PCOLCE2: variants seen among roughly 807,000 people sequenced by gnomAD.
The protein encoded by PCOLCE2 is procollagen C-proteinase enhancer 2.
A neutral mutation model predicts 47.0 loss-of-function variants in PCOLCE2; 42 were observed. The observed-to-expected ratio is 0.89, with a 90% CI of 0.70 to 1.16. PCOLCE2 has a LOEUF of 1.16. PCOLCE2 is among the 50% of genes most tolerant of loss of function. The probability of loss-of-function intolerance (pLI) is 0.00; values close to 1 mark genes in which losing one functional copy is unlikely to be tolerated. For missense variants in PCOLCE2, 500 were observed against 526.1 expected, an observed-to-expected ratio of 0.95 and a Z score of 0.49; for synonymous variants, 169 against 191.7, an observed-to-expected ratio of 0.88 and a Z score of 0.98.
At chr3:142,829,251 TAAC>T (rs1344750558) in intron 6 of PCOLCE2, among the ~76,000 whole-genome samples, 3 of 134,386 alleles carry the variant, frequency 2.2e-5, no homozygotes, top group Non-Finnish European at 4.9e-5. Flanking sequence ...AATAAATAAA[TAAC>T]ATTTTATATG....
At chr3:142,833,291 G>C (rs1277739079) in intron 5 of PCOLCE2, among the ~76,000 whole-genome samples, 2 of 151,860 alleles carry the variant, frequency 1.3e-5, no homozygotes, top group African/African-American at 4.8e-5. Flanking sequence ...TGGGTTCAAG[G>C]GAACCTCCCA....
At chr3:142,861,169 C>G (rs1428340202) in intron 2 of PCOLCE2, among the ~76,000 whole-genome samples, 1 of 152,278 alleles carries the variant, frequency 6.6e-6, no homozygotes, top group African/African-American at 2.4e-5. Context: ...CTTTGCTCCA[C>G]TGCCTTCTAG....
intron 4 of PCOLCE2, 64 bp from the exon 5 acceptor site, chr3:142,838,970 A>G (rs1937235331): frequency 1.6e-6 from 2 of 1,284,840 alleles, no homozygotes; most frequent in East Asian, 4.8e-5. Context: ...CTCAAATGGA[A>G]TTCTTCCTCT....
intron 3 of PCOLCE2, among the ~76,000 whole-genome samples, chr3:142,845,376 C>T (rs1335766876): frequency 2.0e-5 from 3 of 152,180 alleles, no homozygotes; most frequent in Non-Finnish European, 4.4e-5. Flanking sequence ...ATATATTCCA[C>T]AACACAGTGC....
At chr3:142,852,580 T>C (rs1185521931) in intron 2 of PCOLCE2, among the ~76,000 whole-genome samples, 1 of 151,448 alleles carries the variant, frequency 6.6e-6, no homozygotes, top group Non-Finnish European at 1.5e-5. Context: ...CAGGCCCCAT[T>C]TCCTCCTCCT....
intron 2 of PCOLCE2, among the ~76,000 whole-genome samples, chr3:142,868,092 T>C (rs962807509): frequency 6.6e-6 from 1 of 152,144 alleles, no homozygotes; most frequent in Non-Finnish European, 1.5e-5. Flanking sequence ...TAAAGGCCAT[T>C]CAATTTTTAA....
chr3:142,888,478 ATT>A (rs1188466543), intron 1 of PCOLCE2, among the ~76,000 whole-genome samples: 2 of 152,276 alleles, frequency 1.3e-5, no homozygotes, highest in East Asian at 3.9e-4. Context: ...AAATCCACAT[ATT>A]TGGGCCCCAG....
chr3:142,834,471 T>C (rs189102686), intron 5 of PCOLCE2, among the ~76,000 whole-genome samples: 3 of 152,348 alleles, frequency 2.0e-5, no homozygotes, highest in Admixed American at 2.0e-4. Context: ...CACATTTTTA[T>C]ACTTATTCCT....
chr3:142,869,233 G>A lies in PCOLCE2; in HGVS notation c.192+18436C>T, dbSNP rs533710582. Reference sequence around the variant, plus strand: ...GTGAACCCGGGAGGTGGAGCTTGCAGTGAGCCGAGATCGCGCCACTACGCT... The same window carrying A: ...GTGAACCCGGGAGGTGGAGCTTGCAATGAGCCGAGATCGCGCCACTACGCT... On this transcript the variant is annotated intron_variant, in intron 2 of 8. Coordinates refer to ENST00000295992, the MANE Select transcript of PCOLCE2 (RefSeq NM_013363.4). 1.6e-4 allele frequency among the ~76,000 whole-genome samples: 24 copies of A among 152,060 alleles called. 1 individual carries two copies. The South Asian group carries it at 4.8e-3, about 30-fold the overall frequency.
In PCOLCE2 at chr3:142,823,581, C is replaced by T. The variant is rs1937039803; in HGVS notation, c.900G>A (p.Lys300=). 1 of 1,611,048 alleles carries T rather than the reference C, an allele frequency of 6.2e-7. No individual in the cohort carries two copies. Among genetic ancestry groups the T allele is most frequent in the South Asian group, 1.1e-5 (1 of 90,896 alleles). ...LKPTVALCQQ[K]CRRTGTLEGN... ...CCTCCAGAGTCCCCGTCCGTCTACA[C>T]TTTTGTTGACACAAGGCCACGGTGG... The change falls in exon 7 of 9, where the codon AAG becomes AAA. Residue 300 remains lysine (K), a synonymous_variant. Transcript: ENST00000295992.
At chr3:142,873,759 T>G (rs981042021) in intron 2 of PCOLCE2, among the ~76,000 whole-genome samples, 1 of 152,250 alleles carries the variant, frequency 6.6e-6, no homozygotes, top group African/African-American at 2.4e-5. Flanking sequence ...GTTGGTACAC[T>G]GACTGACTGA....
chr3:142,827,393 G>A (rs1027489716), intron 6 of PCOLCE2: 9 of 1,563,180 alleles, frequency 5.8e-6, no homozygotes, highest in Middle Eastern at 4.5e-4. Context: ...GTTGGCTGAG[G>A]AGACAACCTT....
At chr3:142,827,440 G>A in intron 6 of PCOLCE2, 1 of 1,560,678 alleles carries the variant, frequency 6.4e-7, no homozygotes, top group Non-Finnish European at 8.8e-7. Flanking sequence ...GGGTCTTCTT[G>A]GTCTCAGGGT....
In PCOLCE2 at chr3:142,887,705, C is replaced by T; in HGVS notation, c.156G>A (p.Val52=). The change falls in exon 2 of 9, where the codon GTG becomes GTA. Residue 52 remains valine, a synonymous_variant. Coordinates refer to ENST00000295992, the MANE Select transcript of PCOLCE2 (RefSeq NM_013363.4). ...AAGTACATTTGCTATTTGGAGGGTA[C>T]ACTCCAGGAAAACCTTCACTGCCAA... ...GFIGSEGFPG[V]YPPNSKCTWK... 6.2e-7 allele frequency: 1 copy of T among 1,604,024 alleles called. No homozygotes were observed.
intron 2 of PCOLCE2, among the ~76,000 whole-genome samples, chr3:142,878,357 G>A (rs1490154648): frequency 6.6e-6 from 1 of 152,084 alleles, no homozygotes; most frequent in Non-Finnish European, 1.5e-5. Flanking sequence ...TAATGTATCT[G>A]AGAAAAACAC....
chr3:142,823,402 C>A (rs45467800), intron 7 of PCOLCE2, 130 bp downstream of exon 7: 43,531 of 606,924 alleles, frequency 0.072, 2,075 homozygotes, highest in Non-Finnish European at 0.097. Flanking sequence ...GGTGTATAGG[C>A]AAGTATTTTC....
In PCOLCE2 at chr3:142,845,339, G is replaced by T. The variant is rs150541181; in HGVS notation, c.449-2291C>A. On this transcript the variant is annotated intron_variant, in intron 3 of 8. Transcript: ENST00000295992. ...ATTACATTTATGTGTCCATCCTTTG[G>T]TTGTCAAACATATTACATCATACAC... Among the ~76,000 whole-genome samples the T allele has an allele frequency of 1.7e-3, 256 of 152,224 alleles. 1 individual carries two copies. Among genetic ancestry groups the T allele is most frequent in the African/African-American group, 5.9e-3 (243 of 41,530 alleles).
At chr3:142,871,542 T>C (rs542884963) in intron 2 of PCOLCE2, among the ~76,000 whole-genome samples, 1 of 152,234 alleles carries the variant, frequency 6.6e-6, no homozygotes, top group Non-Finnish European at 1.5e-5. Flanking sequence ...GTGGTTAACA[T>C]GTACAATCAG....
intron 1 of PCOLCE2, chr3:142,888,517 A>G (rs565824144): frequency 1.8e-5 from 6 of 342,596 alleles, no homozygotes; most frequent in African/African-American, 1.3e-4. Flanking sequence ...CATAGACACG[A>G]GGAGAGGGGA....
Sources: allele counts gnomAD v4.1 joint callset (sites outside exome capture counted in the v4.1 genomes callset), GRCh38; gene constraint gnomAD v4.1.1; transcripts MANE v1.5; gene names NCBI Gene and HGNC (gene_info 2026-07-23, HGNC 2026-07-21).